SON: variants seen among roughly 807,000 people sequenced by gnomAD.
The protein encoded by SON is protein SON.
SON carries 4 observed loss-of-function variants against 173.3 expected under a neutral mutation model. The ratio of observed to expected loss-of-function variants is 0.02; its 90% confidence interval spans 0.01 to 0.05. The LOEUF (loss-of-function observed/expected upper bound fraction) is 0.05, where lower values mean the gene tolerates loss of function less well. Ranked by LOEUF, SON falls within the 10% of genes least tolerant of loss-of-function variation. The probability of loss-of-function intolerance (pLI) is 1.00; values close to 1 mark genes in which losing one functional copy is unlikely to be tolerated. For missense variants in SON, 2,626 were observed against 3,055.3 expected (o/e 0.86, Z 3.31); for synonymous variants, 1,190 against 1,105.9 (o/e 1.08, Z -1.51).
chr21:33,559,559 T>C lies in SON; in HGVS notation c.6469-28T>C. The C allele has an allele frequency of 6.3e-7, 1 of 1,588,596 alleles. No homozygotes were observed. Among genetic ancestry groups the C allele is most frequent in the Non-Finnish European group, 8.6e-7 (1 of 1,168,264 alleles). Reference sequence around the variant, plus strand: ...ATTTAATGTAGATATCATATTGAGCTTTAATTAAGAAACACTTTATTTTTT... The same window carrying C: ...ATTTAATGTAGATATCATATTGAGCCTTAATTAAGAAACACTTTATTTTTT... On this transcript the variant is annotated intron_variant, in intron 5 of 11. Transcript: ENST00000356577. The surrounding 1 kb of genome is among the most constrained non-coding windows in gnomAD (Gnocchi z 4.1).
chr21:33,570,895 T>C (rs1416667210), intron 8 of SON, among the ~76,000 whole-genome samples: 1 of 152,220 alleles, frequency 6.6e-6, no homozygotes, highest in African/African-American at 2.4e-5. Context: ...TGTATACTTA[T>C]AAATGTGTTA....
chr21:33,555,121 A>G lies in SON; in HGVS notation c.5890A>G (p.Ser1964Gly). Residue 1964 changes from serine to glycine, a missense_variant, in exon 3 of 12, where the codon AGC becomes GGC. By Grantham distance (56) the Ser-to-Gly change is moderately conservative (BLOSUM62 0). Coordinates refer to ENST00000356577, the MANE Select transcript of SON (RefSeq NM_138927.4). ...CCGCAGCCGCACCCCCAGCCGCCGC[A>G]GCCGCACCCCCAGCCGCCGCAGCCG... ...SRRSRTPSRR[S>G]RTPSRRSRTP... The G allele has an allele frequency of 6.6e-7, 1 of 1,505,770 alleles. No homozygotes were observed. The highest frequency in any genetic ancestry group is 8.8e-7 in the Non-Finnish European group (1 of 1,131,384). The allele number at this position is 1,505,770 out of a possible 1,614,324, so 93.3% of individuals were successfully genotyped here.
intron 2 of SON, among the ~76,000 whole-genome samples, chr21:33,547,224 C>T (rs111592731): frequency 0.017 from 2,615 of 152,104 alleles, 99 homozygotes; most frequent in African/African-American, 0.059. Flanking sequence ...CCTCATGATC[C>T]GCACACCTTG....
chr21:33,552,962 C>G lies in SON; in HGVS notation c.3731C>G (p.Ala1244Gly), dbSNP rs773190295. The change falls in exon 3 of 12, where the codon GCT becomes GGT. Residue 1244 changes from alanine to glycine, a missense_variant. Ala to Gly is a moderately conservative substitution (Grantham distance 60). Coordinates refer to ENST00000356577, the MANE Select transcript of SON (RefSeq NM_138927.4). The surrounding 1 kb of genome is among the most constrained non-coding windows in gnomAD (Gnocchi z 5.6). ...ASDPSVLVSE[A>G]AVTVPEPPPE... is the part of the protein sequence containing the mutation. ...GATCCCTCAGTTTTAGTATCAGAGGCTGCTGTGACTGTTCCAGAACCACCA... is the reference window on the plus strand; with the variant it reads ...GATCCCTCAGTTTTAGTATCAGAGGGTGCTGTGACTGTTCCAGAACCACCA... The G allele has an allele frequency of 8.8e-5, 142 of 1,614,078 alleles. No homozygotes were observed. Among genetic ancestry groups the G allele is most frequent in the Non-Finnish European group, 1.2e-4 (141 of 1,180,032 alleles).
intron 8 of SON, chr21:33,569,705 C>G (rs946395170): frequency 7.3e-6 from 3 of 413,772 alleles, no homozygotes; most frequent in Non-Finnish European, 1.5e-5. Context: ...ATTAGCTCTG[C>G]ATGTGGTGAT....
At chr21:33,543,338 G>T (rs1296238676) in intron 1 of SON, 169 bp downstream of exon 1, 1 of 537,280 alleles carries the variant, frequency 1.9e-6, no homozygotes, top group East Asian at 3.0e-5. Flanking sequence ...CCCCCCAGCC[G>T]CTCCCTTCCT....
intron 2 of SON, among the ~76,000 whole-genome samples, chr21:33,548,493 G>A (rs946074692): frequency 6.6e-6 from 1 of 152,192 alleles, no homozygotes; most frequent in Non-Finnish European, 1.5e-5. Flanking sequence ...AGTTCTCTAT[G>A]AATATTTTAT....
chr21:33,560,686 G>A (rs1055196782), intron 6 of SON: 4 of 881,454 alleles, frequency 4.5e-6, no homozygotes, highest in Non-Finnish European at 5.4e-6. Context: ...GCAAAATCAC[G>A]CTTGGGGGAT....
intron 7 of SON, among the ~76,000 whole-genome samples, chr21:33,568,634 A>G (rs1471012170): frequency 1.3e-5 from 2 of 152,242 alleles, no homozygotes; most frequent in Admixed American, 1.3e-4. Flanking sequence ...CATGTATTAC[A>G]ATACATTTGT....
chr21:33,565,218 A>C (rs1021930128), intron 6 of SON, among the ~76,000 whole-genome samples: 7 of 152,230 alleles, frequency 4.6e-5, no homozygotes, highest in Admixed American at 2.6e-4. Context: ...TATATTTTAG[A>C]GCCATCTGAA....
At chr21:33,575,242 G>A (rs9712580) in intron 9 of SON, among the ~76,000 whole-genome samples, 3 of 151,972 alleles carry the variant, frequency 2.0e-5, no homozygotes, top group African/African-American at 7.2e-5. Context: ...CACCATGTTG[G>A]CCAGGCTGGT....
intron 4 of SON, chr21:33,557,697 C>T: frequency 6.9e-7 from 1 of 1,451,316 alleles, no homozygotes; most frequent in South Asian, 1.5e-5. Context: ...CGCAAAGACA[C>T]AGACAATCTT....
intron 6 of SON, among the ~76,000 whole-genome samples, chr21:33,564,922 G>T (rs1236973780): frequency 6.7e-6 from 1 of 149,742 alleles, no homozygotes; most frequent in Non-Finnish European, 1.5e-5. Flanking sequence ...ATACATTTTT[G>T]ACATGAACTT....
intron 8 of SON, 55 bp downstream of exon 8, chr21:33,569,142 A>T (rs1413096112): frequency 9.4e-7 from 1 of 1,062,646 alleles, no homozygotes; most frequent in Non-Finnish European, 1.4e-6. Context: ...AATTTTTTGG[A>T]AACTGTTTAT....
rs773614554 is a variant in SON, at chr21:33,550,897, A to G, written c.1666A>G (p.Thr556Ala). 2.5e-6 allele frequency: 4 copies of G among 1,609,810 alleles called. No homozygotes were observed. The South Asian group carries it at 4.4e-5, about 18-fold the overall frequency. ...LELPGQPVAT[T>A]ALELPGQPSV... ...GTTGCCAGGACAGCCAGTGGCAACG[A>G]CAGCGCTGGAGTTGCCGGGGCAGCC... Residue 556 changes from threonine to alanine, a missense_variant, in exon 3 of 12, where the codon ACA (threonine) becomes GCA (alanine). Thr to Ala is a moderately conservative substitution (Grantham distance 58, BLOSUM62 0). Coordinates refer to ENST00000356577, the MANE Select transcript of SON (RefSeq NM_138927.4).
Position 33,554,280 on chromosome 21 carries a change from A to C in SON, c.5049A>C (p.Leu1683Phe), listed in dbSNP as rs1373817244. 74 of 1,614,038 alleles carry C rather than the reference A, an allele frequency of 4.6e-5. 2 individuals are homozygous for C. The Admixed American group carries it at 1.2e-3, about 27-fold the overall frequency. Residue 1683 changes from leucine (L) to phenylalanine (F), a missense_variant, in exon 3 of 12, where the codon TTA becomes TTC. Around this residue, in one of 13 missense-constraint regions of SON, gnomAD observed 1,006 missense variants for 895.6 expected, o/e 1.12. Transcript: ENST00000356577. ...TTAGTAAGGATACAGAAGAACCATT[A>C]CCTGTAAAAGAGAGTGACCAGACAT... ...NLVSKDTEEP[L>F]PVKESDQTLA...
At chr21:33,545,510 C>T (rs987214703) in intron 1 of SON, among the ~76,000 whole-genome samples, 2 of 152,010 alleles carry the variant, frequency 1.3e-5, no homozygotes, top group African/African-American at 4.8e-5. Context: ...AATTACTGGG[C>T]GAATGATATG....
intron 6 of SON, among the ~76,000 whole-genome samples, chr21:33,562,830 G>A (rs950067453): frequency 6.6e-6 from 1 of 152,194 alleles, no homozygotes; most frequent in South Asian, 2.1e-4. Flanking sequence ...TTGAGTAGAA[G>A]ATTAGGATGT....
In SON at chr21:33,554,769, G is replaced by T. The variant is rs1438317187; in HGVS notation, c.5538G>T (p.Arg1846Ser). 1 of 1,613,670 alleles carries T rather than the reference G, an allele frequency of 6.2e-7. No individual in the cohort carries two copies. The highest frequency in any genetic ancestry group is 8.5e-7 in the Non-Finnish European group (1 of 1,180,028). The change falls in exon 3 of 12, where the codon AGG (arginine) becomes AGT (serine). Residue 1846 changes from arginine to serine, a missense_variant. Arg to Ser is a moderately radical substitution (Grantham distance 110, BLOSUM62 -1). Around this residue, in one of 13 missense-constraint regions of SON, gnomAD observed 1,006 missense variants for 895.6 expected, o/e 1.12. Coordinates refer to ENST00000356577, the MANE Select transcript of SON (RefSeq NM_138927.4). ...AGCGTACCAGTGAATCTCGTTCTAG[G>T]GCAAGAAAGAGATCATCTAAGTCCA... ...SRKRTSESRS[R>S]ARKRSSKSKS... is the part of the protein sequence containing the mutation.
Sources: gnomAD v4.1 joint callset for allele counts (sites outside exome capture counted in the v4.1 genomes callset) on GRCh38, gnomAD v4.1.1 for gene constraint, gnomAD v4.1.1 regional missense constraint, Gnocchi (gnomAD v3.1) non-coding constraint, MANE v1.5 for transcripts, NCBI Gene and HGNC (gene_info 2026-07-23, HGNC 2026-07-21) for gene names.